The following IFI16 variants were observed in gnomAD, a reference collection of about 807,000 sequenced individuals.
IFI16 encodes the protein gamma-interferon-inducible protein 16.
A neutral mutation model predicts 68.4 loss-of-function variants in IFI16; 49 were observed. The ratio of observed to expected loss-of-function variants is 0.72; its 90% CI spans 0.57 to 0.91. The LOEUF (loss-of-function observed/expected upper bound fraction) is 0.91. Ranked by LOEUF, IFI16 falls within the 40% of genes least tolerant of loss-of-function variation. IFI16 has a pLI of 0.00. For synonymous variants in IFI16, 307 were observed against 315.0 expected, an observed-to-expected ratio of 0.97 and a Z score of 0.27; for missense variants, 878 against 942.9, an observed-to-expected ratio of 0.93 and a Z score of 0.90.
upstream of IFI16, among the ~76,000 whole-genome samples, chr1:159,009,661 A>C (rs1261389586): frequency 2.6e-5 from 4 of 152,230 alleles, no homozygotes; most frequent in Non-Finnish European, 5.9e-5. Flanking sequence ...ATTTGTGTTT[A>C]TATACATTTA....
chr1:159,023,246 G>A (rs1302877621), intron 6 of IFI16, among the ~76,000 whole-genome samples: 1 of 152,122 alleles, frequency 6.6e-6, no homozygotes, highest in South Asian at 2.1e-4. Flanking sequence ...TCTATCAGGG[G>A]CAGTATTAGG....
In IFI16 at chr1:159,018,567, CAG is replaced by C. The variant is rs1557865508; in HGVS notation, c.891_892del (p.Arg297SerfsTer8). 1.9e-6 allele frequency: 3 copies of C among 1,613,696 alleles called. No homozygotes were observed. Among genetic ancestry groups the C allele is most frequent in the Non-Finnish European group, 2.5e-6 (3 of 1,179,616 alleles). On this transcript the variant is annotated frameshift_variant, in exon 5 of 12. Transcript: ENST00000295809. LOFTEE classifies it high-confidence loss of function. Reference protein sequence around the residue: ...TFEVPNKIINRAKETLKIDIL... With the variant: ...TFEVPNKIINXAKETLKIDIL... Reference sequence around the variant, plus strand: ...TTGAGGTTCCAAATAAAATCATCAACAGAGCAAAGGAAACTCTGAAGATTGAT... The same window carrying C: ...TTGAGGTTCCAAATAAAATCATCAACAGCAAAGGAAACTCTGAAGATTGAT...
intron 4 of IFI16, among the ~76,000 whole-genome samples, chr1:159,016,922 GGA>G (rs1652969574): frequency 6.6e-6 from 1 of 152,148 alleles, no homozygotes; most frequent in Admixed American, 6.5e-5. Flanking sequence ...TTTGGGGAAG[GGA>G]GAGAGAGCTA....
Position 159,014,902 on chromosome 1 carries a change from G to A in IFI16, c.222G>A (p.Thr74=), listed in dbSNP as rs776330016. 2.6e-5 allele frequency: 42 copies of A among 1,612,204 alleles called. No homozygotes were observed. Among genetic ancestry groups the A allele is most frequent in the Non-Finnish European group, 3.1e-5 (36 of 1,179,484 alleles). ...TAAAAATTTTCGAAGATATACCAAC[G>A]CTTGAAGACCTGGCTGAAACTCTTA... The part of the protein sequence containing the change: ...KLIKIFEDIP[T]LEDLAETLKK... Residue 74 remains threonine, a synonymous_variant, in exon 2 of 12, where the codon ACG becomes ACA. Transcript: ENST00000295809.
At chr1:159,039,286 C>T (rs1325408587) in intron 7 of IFI16, among the ~76,000 whole-genome samples, 1 of 152,008 alleles carries the variant, frequency 6.6e-6, no homozygotes, top group Non-Finnish European at 1.5e-5. Flanking sequence ...ACAGTGAGAA[C>T]AGAATAAAAG....
upstream of IFI16, among the ~76,000 whole-genome samples, chr1:159,001,635 CTAT>C (rs1242097269): frequency 6.6e-6 from 1 of 152,138 alleles, no homozygotes; most frequent in African/African-American, 2.4e-5. Context: ...TCCTGAGCAT[CTAT>C]TATATGCTAA....
rs760466448 is a variant in IFI16, at chr1:159,018,446, A to G, written c.767A>G (p.Lys256Arg). The change falls in exon 5 of 12, where the codon AAG (lysine) becomes AGG (arginine). Residue 256 changes from lysine (K) to arginine (R), a missense_variant. Physicochemically the swap from Lys to Arg is conservative, Grantham distance 26. Around this residue, in one of 4 missense-constraint regions of IFI16, gnomAD observed 443 missense variants for 421.8 expected, o/e 1.05. Transcript: ENST00000295809. ...NTSLKEKFNG[K>R]KIIIISDYLE... The stretch of plus-strand genomic sequence containing the variant: ...AGCTTGAAGGAGAAATTCAATGGAA[A>G]GAAAATCATCATCATATCAGATTAT... 6.2e-7 allele frequency: 1 copy of G among 1,613,770 alleles called. No individual in the cohort carries two copies. Among genetic ancestry groups the G allele is most frequent in the South Asian group, 1.1e-5 (1 of 91,076 alleles).
At chr1:159,005,599 G>A (rs750025106), upstream of IFI16, among the ~76,000 whole-genome samples, 3 of 152,146 alleles carry the variant, frequency 2.0e-5, no homozygotes, top group Non-Finnish European at 4.4e-5. Context: ...AGGAAAAGTA[G>A]AATACAAAAC....
At position 159,009,973 on chromosome 1, in the gene IFI16, C is replaced by T. The variant is rs1364042573; in HGVS notation, c.-209C>T. On this transcript the variant is annotated 5_prime_UTR_variant, in exon 1 of 12. Coordinates refer to ENST00000295809, the MANE Select transcript of IFI16 (RefSeq NM_001376587.1). Reference sequence around the variant, plus strand: ...TAGTCAGCTAACTAAGTGACTCAACCAAGGCCTTTTTTCCTTGTTATCTTT... The same window carrying T: ...TAGTCAGCTAACTAAGTGACTCAACTAAGGCCTTTTTTCCTTGTTATCTTT... The T allele has an allele frequency of 6.6e-6, 1 of 152,130 alleles. No individual in the cohort carries two copies. The highest frequency in any genetic ancestry group is 2.4e-5 in the African/African-American group (1 of 41,398). The allele number at this position is 152,130 out of a possible 1,614,324, so 9.4% of individuals were successfully genotyped here.
At chr1:159,019,795 C>A (rs1318188721) in intron 5 of IFI16, among the ~76,000 whole-genome samples, 1 of 152,102 alleles carries the variant, frequency 6.6e-6, no homozygotes, top group Non-Finnish European at 1.5e-5. Flanking sequence ...TCTTACAAAT[C>A]CAGTTCTAGG....
chr1:159,034,720 G>T (rs1296307340), intron 7 of IFI16, among the ~76,000 whole-genome samples: 1 of 152,074 alleles, frequency 6.6e-6, no homozygotes, highest in East Asian at 1.9e-4. Context: ...CCCATAGTTG[G>T]TTCTCTCTGG....
intron 9 of IFI16, among the ~76,000 whole-genome samples, 152 bp downstream of exon 9, chr1:159,049,751 G>A (rs544861032): frequency 6.6e-6 from 1 of 152,138 alleles, no homozygotes; most frequent in Non-Finnish European, 1.5e-5. Flanking sequence ...GTATTTTGAG[G>A]TCCTATCCAA....
chr1:159,009,896 T>C (rs1445789523), upstream of IFI16: 1 of 152,186 alleles, frequency 6.6e-6, no homozygotes, highest in Non-Finnish European at 1.5e-5. Flanking sequence ...CTCCACATTG[T>C]TTCCTACTCC....
chr1:159,025,049 C>A (rs532443104), intron 6 of IFI16, among the ~76,000 whole-genome samples: 1 of 151,592 alleles, frequency 6.6e-6, no homozygotes. Flanking sequence ...CAGGCTGGTG[C>A]TGGTGTACTG....
intron 7 of IFI16, among the ~76,000 whole-genome samples, chr1:159,035,920 G>A (rs1654302987): frequency 6.6e-6 from 1 of 152,062 alleles, no homozygotes; most frequent in Non-Finnish European, 1.5e-5. Context: ...TTCTACTCTG[G>A]TTATGGGACT....
chr1:159,036,192 A>G (rs1379349697), intron 7 of IFI16, among the ~76,000 whole-genome samples: 3 of 152,182 alleles, frequency 2.0e-5, no homozygotes, highest in East Asian at 1.9e-4. Context: ...TAAAACCTGT[A>G]TTCTTTATGT....
Position 159,048,819 on chromosome 1 carries a change from A to G in IFI16, c.1498-613A>G, listed in dbSNP as rs139100533. ...TCTTACTTGAAAAATGTATAAAAAT[A>G]TAGCTAATGGGAATGCTTTAGGTGG... On this transcript the variant is annotated intron_variant, in intron 8 of 11. Transcript: ENST00000295809. 4.1e-3 allele frequency among the ~76,000 whole-genome samples: 623 copies of G among 151,716 alleles called. 19 individuals carry two copies. The highest frequency in any genetic ancestry group is 0.012 in the African/African-American group (510 of 41,456).
rs1246812408 is a variant in IFI16, at chr1:159,053,595, G to A, written c.2148G>A (p.Val716=). 19 of 1,613,298 alleles carry A rather than the reference G, an allele frequency of 1.2e-5. No individual in the cohort carries two copies. The highest frequency in any genetic ancestry group is 1.4e-5 in the Non-Finnish European group (17 of 1,179,376). The part of the protein sequence containing the change: ...EIQDNTGKME[V]VVHGRLTTIN... Reference sequence around the variant, plus strand: ...AAGATAATACAGGGAAGATGGAAGTGGTGGTGCATGGACGACTGACCACAA... The same window carrying A: ...AAGATAATACAGGGAAGATGGAAGTAGTGGTGCATGGACGACTGACCACAA... Residue 716 remains valine (V), a synonymous_variant, in exon 11 of 12, where the codon GTG becomes GTA. Transcript: ENST00000295809.
intron 6 of IFI16, among the ~76,000 whole-genome samples, chr1:159,027,984 G>T (rs1266016534): frequency 6.6e-6 from 1 of 151,624 alleles, no homozygotes; most frequent in Non-Finnish European, 1.5e-5. Context: ...TTTATCTTTT[G>T]TGTTGTTCTT....
Sources: allele counts gnomAD v4.1 joint callset (sites outside exome capture counted in the v4.1 genomes callset), GRCh38; gene constraint gnomAD v4.1.1; regional missense constraint gnomAD v4.1.1; transcripts MANE v1.5; gene names NCBI Gene and HGNC (gene_info 2026-07-23, HGNC 2026-07-21).